GPHN: variants seen among roughly 807,000 people sequenced by gnomAD.
The protein encoded by GPHN is gephyrin.
Under a neutral mutation model 95.5 loss-of-function variants are expected in GPHN, and 17 were observed. The observed-to-expected ratio is 0.18, with a 90% CI of 0.12 to 0.27. GPHN has a LOEUF of 0.27. Ranked by LOEUF, GPHN falls within the 10% of genes least tolerant of loss-of-function variation. The pLI is 1.00. For missense variants in GPHN, 660 were observed against 978.1 expected (o/e 0.67, Z 4.34); for synonymous variants, 320 against 322.5 (o/e 0.99, Z 0.08).
At chr14:67,018,177 A>T (rs1250348651) in intron 9 of GPHN, among the ~76,000 whole-genome samples, 1 of 152,130 alleles carries the variant, frequency 6.6e-6, no homozygotes, top group Non-Finnish European at 1.5e-5. Flanking sequence ...TGCCGTAAGA[A>T]TCTAGGCAAA....
At chr14:67,218,970 C>G in the GPHN span, among the ~76,000 whole-genome samples, 113 of 152,054 alleles carry the variant, frequency 7.4e-4, no homozygotes, top group African/African-American at 2.5e-3. Flanking sequence ...TGTTCAGCCA[C>G]CAGTGTGGGC....
intron 20 of GPHN, 48 bp downstream of exon 20, chr14:67,165,274 A>G (rs757336890): frequency 2.9e-5 from 39 of 1,355,856 alleles, no homozygotes; most frequent in Non-Finnish European, 3.7e-5. Flanking sequence ...AAAATAGCCA[A>G]AATTTTTTGG....
intron 4 of GPHN, among the ~76,000 whole-genome samples, chr14:66,829,831 G>C (rs1260762874): frequency 2.0e-5 from 3 of 152,110 alleles, no homozygotes; most frequent in Non-Finnish European, 2.9e-5. Context: ...TAAAAAATGA[G>C]TGAGACTTTC....
chr14:66,870,206 TA>T (rs899612166), intron 4 of GPHN, among the ~76,000 whole-genome samples: 1 of 152,192 alleles, frequency 6.6e-6, no homozygotes, highest in African/African-American at 2.4e-5. Flanking sequence ...AAGAATACCC[TA>T]TTGAAAAGAA....
chr14:67,179,912 C>T (rs527415556), intron 22 of GPHN, among the ~76,000 whole-genome samples: 148 of 152,256 alleles, frequency 9.7e-4, no homozygotes, highest in Middle Eastern at 3.4e-3. Flanking sequence ...GTCCACATAT[C>T]ATTGACTAAT....
At chr14:67,390,032 A>G in the GPHN span, among the ~76,000 whole-genome samples, 1 of 152,346 alleles carries the variant, frequency 6.6e-6, no homozygotes, top group African/African-American at 2.4e-5. Flanking sequence ...TGTTTCAACA[A>G]AAACTAATGA....
chr14:66,643,523 C>T (rs933483386), intron 1 of GPHN, among the ~76,000 whole-genome samples: 1 of 152,040 alleles, frequency 6.6e-6, no homozygotes, highest in Admixed American at 6.6e-5. Flanking sequence ...ATGGTACATT[C>T]ATAGCATGGT....
At chr14:67,667,801 C>T in the GPHN span, among the ~76,000 whole-genome samples, 5 of 151,908 alleles carry the variant, frequency 3.3e-5, no homozygotes, top group Non-Finnish European at 5.9e-5. Context: ...AAACTTAGCC[C>T]GGCGTGGTGG....
chr14:66,710,777 C>A (rs2069543872), intron 2 of GPHN, among the ~76,000 whole-genome samples: 1 of 152,184 alleles, frequency 6.6e-6, no homozygotes, highest in South Asian at 2.1e-4. Context: ...CTATGTGCCT[C>A]ACTTTCTACA....
chr14:67,451,932 G>A, the GPHN span, among the ~76,000 whole-genome samples: 1 of 152,214 alleles, frequency 6.6e-6, no homozygotes, highest in Admixed American at 6.5e-5. Context: ...ATTCCCGTGT[G>A]TTGTGGGAGG....
intron 4 of GPHN, among the ~76,000 whole-genome samples, chr14:66,870,578 C>A (rs2063392897): frequency 6.6e-6 from 1 of 152,094 alleles, no homozygotes; most frequent in Non-Finnish European, 1.5e-5. Context: ...TTTTTATACC[C>A]TGAAAAATAT....
intron 1 of GPHN, among the ~76,000 whole-genome samples, chr14:66,651,132 G>C (rs1202664277): frequency 6.6e-6 from 1 of 152,094 alleles, no homozygotes; most frequent in South Asian, 2.1e-4. Context: ...TACAAGAGCC[G>C]CTTCAGAGAT....
the GPHN span, among the ~76,000 whole-genome samples, chr14:67,485,069 T>C: frequency 4.6e-5 from 7 of 152,236 alleles, no homozygotes; most frequent in Non-Finnish European, 8.8e-5. Flanking sequence ...CTTTAATGCC[T>C]GTAATGGAAG....
the GPHN span, among the ~76,000 whole-genome samples, chr14:67,351,691 TCTTC>T: frequency 3.8e-4 from 58 of 152,042 alleles, 1 homozygote; most frequent in South Asian, 0.012. Context: ...TTCTTCTTCT[TCTTC>T]TTTTTTGTAG....
At chr14:67,645,726 AC>A in the GPHN span, 1 of 1,613,936 alleles carries the variant, frequency 6.2e-7, no homozygotes, top group African/African-American at 1.3e-5. Context: ...GCTGACATCA[AC>A]ACACCCCTTA....
chr14:66,949,152 C>G (rs554454333), intron 8 of GPHN, among the ~76,000 whole-genome samples: 12 of 152,270 alleles, frequency 7.9e-5, no homozygotes, highest in Admixed American at 5.2e-4. Flanking sequence ...GTGGCACAAT[C>G]TCACCTCACG....
intron 12 of GPHN, 33 bp downstream of exon 12, chr14:67,089,108 G>A (rs769205469): frequency 1.1e-5 from 9 of 806,162 alleles, no homozygotes; most frequent in Non-Finnish European, 1.9e-5. Context: ...ACATAATCAG[G>A]CACTGTATTT....
At chr14:67,223,075 C>G in the GPHN span, among the ~76,000 whole-genome samples, 225 of 148,450 alleles carry the variant, frequency 1.5e-3, 1 homozygote, top group African/African-American at 5.6e-3. Context: ...TCTTGGCTCA[C>G]TGCAACCTCC....
chr14:67,393,211 G>T, the GPHN span: 1 of 1,613,990 alleles, frequency 6.2e-7, no homozygotes, highest in Non-Finnish European at 8.5e-7. Context: ...GGATTCCGGT[G>T]TTGCTATCGT....
Sources: gnomAD v4.1 joint callset for allele counts (sites outside exome capture counted in the v4.1 genomes callset) on GRCh38, gnomAD v4.1.1 for gene constraint, MANE v1.5 for transcripts, NCBI Gene and HGNC (gene_info 2026-07-23, HGNC 2026-07-21) for gene names.